The following TAF2 variants were observed in gnomAD, a reference collection of about 807,000 sequenced individuals.
TAF2 encodes transcription initiation factor TFIID subunit 2.
In TAF2, 61 loss-of-function variants were observed where a neutral mutation model predicts 138.5. The observed-to-expected ratio is 0.44, with a 90% CI of 0.36 to 0.54. The LOEUF (loss-of-function observed/expected upper bound fraction) is 0.54. Among genes scored for constraint, TAF2 ranks in the 20% least tolerant of loss-of-function variants. The pLI, the probability that TAF2 is intolerant of heterozygous loss-of-function variation, is 0.00. For missense variants in TAF2, 1,090 were observed against 1,427.9 expected, an observed-to-expected ratio of 0.76 and a Z score of 3.81; for synonymous variants, 475 against 469.9, an observed-to-expected ratio of 1.01 and a Z score of -0.14.
intron 4 of TAF2, among the ~76,000 whole-genome samples, chr8:119,804,230 T>C (rs1243686824): frequency 6.6e-6 from 1 of 152,196 alleles, no homozygotes; most frequent in Non-Finnish European, 1.5e-5. Flanking sequence ...TCCAATCAAT[T>C]ATAACTATTG....
chr8:119,772,366 T>C (rs1362371901), intron 18 of TAF2, among the ~76,000 whole-genome samples: 1 of 152,168 alleles, frequency 6.6e-6, no homozygotes, highest in Non-Finnish European at 1.5e-5. Flanking sequence ...ACAAATACCA[T>C]ATCCTCTCAC....
chr8:119,797,123 A>G lies in TAF2; in HGVS notation c.978-20T>C, dbSNP rs1823882136. On this transcript the variant is annotated intron_variant, in intron 7 of 25. Transcript: ENST00000378164. ...TTTGTGCTGGAATTTAAAAGAGAAG[A>G]AAGCTCATTATAACCAAGAAATAAA... The G allele has an allele frequency of 6.7e-7, 1 of 1,503,100 alleles. No individual in the cohort carries two copies. Among genetic ancestry groups the G allele is most frequent in the Non-Finnish European group, 9.3e-7 (1 of 1,079,654 alleles). 93.1% of individuals were successfully genotyped at this position (1,503,100 alleles called of 1,614,324 possible).
chr8:119,815,175 G>C (rs1459182346), intron 3 of TAF2, among the ~76,000 whole-genome samples: 1 of 151,740 alleles, frequency 6.6e-6, no homozygotes, highest in Admixed American at 6.6e-5. Flanking sequence ...CCAGCTACTC[G>C]GGAGGGTGAG....
At chr8:119,747,416 A>G (rs937105348) in intron 22 of TAF2, among the ~76,000 whole-genome samples, 5 of 152,236 alleles carry the variant, frequency 3.3e-5, no homozygotes, top group African/African-American at 1.2e-4. Context: ...TGATTTTTAA[A>G]TAACAGAAAT....
chr8:119,785,551 T>C (rs1253141803), intron 14 of TAF2, among the ~76,000 whole-genome samples: 8 of 152,174 alleles, frequency 5.3e-5, no homozygotes. Flanking sequence ...AACTGATAGC[T>C]GCAATTTTGT....
Position 119,812,747 on chromosome 8 carries a change from GTGTGTA to G in TAF2, c.300-6352_300-6347del, listed in dbSNP as rs747650400. The stretch of plus-strand genomic sequence containing the variant: ...TGTGTGTGTGTGTGTGTGTGTGTGT[GTGTGTA>G]TATATGTGTGTATATATGGTGTATG... On this transcript the variant is annotated intron_variant, in intron 3 of 25. Transcript: ENST00000378164. 5.2e-3 allele frequency among the ~76,000 whole-genome samples: 515 copies of G among 99,828 alleles called. 3 individuals carry two copies. Among genetic ancestry groups the G allele is most frequent in the African/African-American group, 8.2e-3 (144 of 17,630 alleles). 65.5% of individuals were successfully genotyped at this position (99,828 alleles called of 152,430 possible).
chr8:119,777,837 T>C (rs1822363614), intron 18 of TAF2, among the ~76,000 whole-genome samples, 182 bp downstream of exon 18: 1 of 152,200 alleles, frequency 6.6e-6, no homozygotes, highest in East Asian at 1.9e-4. Context: ...TTCTAATAAA[T>C]CGTGTTTACA....
intron 2 of TAF2, among the ~76,000 whole-genome samples, chr8:119,827,030 C>CA (rs1470379364): frequency 1.3e-5 from 2 of 152,092 alleles, no homozygotes; most frequent in Non-Finnish European, 2.9e-5. Context: ...TCCGTCTCTA[C>CA]AAAAAATACA....
chr8:119,753,229 A>G (rs1322505242), intron 22 of TAF2, among the ~76,000 whole-genome samples: 1 of 152,042 alleles, frequency 6.6e-6, no homozygotes, highest in Non-Finnish European at 1.5e-5. Context: ...CAGCCAGTTT[A>G]TTTTTCTTCT....
intron 22 of TAF2, among the ~76,000 whole-genome samples, chr8:119,754,165 A>G (rs1403998527): frequency 2.0e-5 from 3 of 152,118 alleles, no homozygotes; most frequent in Non-Finnish European, 2.9e-5. Flanking sequence ...ATAAATACCT[A>G]CTATGGTGCC....
chr8:119,820,714 G>A (rs534810333), intron 2 of TAF2, among the ~76,000 whole-genome samples: 95 of 152,192 alleles, frequency 6.2e-4, no homozygotes, highest in African/African-American at 2.1e-3. Flanking sequence ...TAGTCCAACC[G>A]CTCAAGAAAG....
chr8:119,769,576 A>C lies in TAF2; in HGVS notation c.2365-6968T>G, dbSNP rs962893572. Among the ~76,000 whole-genome samples the C allele has an allele frequency of 2.6e-5, 4 of 152,170 alleles. No individual in the cohort carries two copies. In the South Asian group the frequency reaches 8.3e-4, roughly 32 times the overall value. ...AGCAATACAAAGAAACCAGAAAAACAATTCAGGAGATGAAAGACCAGATAG... is the reference window on the plus strand; with the variant it reads ...AGCAATACAAAGAAACCAGAAAAACCATTCAGGAGATGAAAGACCAGATAG... On this transcript the variant is annotated intron_variant, in intron 18 of 25. Coordinates refer to ENST00000378164, the MANE Select transcript of TAF2 (RefSeq NM_003184.4).
At chr8:119,807,959 A>T (rs540961669) in intron 3 of TAF2, among the ~76,000 whole-genome samples, 1 of 152,238 alleles carries the variant, frequency 6.6e-6, no homozygotes, top group East Asian at 1.9e-4. Flanking sequence ...GACAAGTTCC[A>T]CATATTCTAC....
chr8:119,765,533 C>T (rs1238373586), intron 18 of TAF2, among the ~76,000 whole-genome samples: 1 of 152,004 alleles, frequency 6.6e-6, no homozygotes, highest in African/African-American at 2.4e-5. Flanking sequence ...TGCAACTTCA[C>T]GGTAAAGGGG....
chr8:119,773,092 C>CAAA (rs34234495), intron 18 of TAF2, among the ~76,000 whole-genome samples: 1 of 135,810 alleles, frequency 7.4e-6, no homozygotes, highest in African/African-American at 2.6e-5. Flanking sequence ...TGGATTTTCT[C>CAAA]AAAAAAAAAA....
At chr8:119,825,971 C>T (rs182402826) in intron 2 of TAF2, among the ~76,000 whole-genome samples, 2 of 151,854 alleles carry the variant, frequency 1.3e-5, no homozygotes, top group East Asian at 3.9e-4. Context: ...GGATTACAGG[C>T]GTGAGCCACC....
intron 23 of TAF2, among the ~76,000 whole-genome samples, chr8:119,745,794 A>AATGTGTGTGTGTGT (rs1819919050): frequency 8.4e-6 from 1 of 119,406 alleles, no homozygotes. Context: ...AAGGCAAACG[A>AATGTGTGTGTGTGT]ATGTGTGTGT....
intron 25 of TAF2, 99 bp from the exon 26 acceptor site, chr8:119,732,285 T>C: frequency 9.1e-7 from 1 of 1,097,678 alleles, no homozygotes; most frequent in South Asian, 1.3e-5. Flanking sequence ...GAGGGATTCC[T>C]AAGTTTTTAT....
intron 3 of TAF2, among the ~76,000 whole-genome samples, chr8:119,813,170 G>T (rs1306857281): frequency 6.6e-6 from 1 of 152,096 alleles, no homozygotes; most frequent in Non-Finnish European, 1.5e-5. Flanking sequence ...TGTCATCGTG[G>T]TTTTAATTTG....
Sources: gnomAD v4.1 joint callset for allele counts (sites outside exome capture counted in the v4.1 genomes callset) on GRCh38, gnomAD v4.1.1 for gene constraint, MANE v1.5 for transcripts, NCBI Gene and HGNC (gene_info 2026-07-23, HGNC 2026-07-21) for gene names.